Variants in DAB1 observed in about 807,000 individuals in gnomAD.
DAB1 encodes DAB adaptor protein 1, also known as disabled homolog 1.
Under a neutral mutation model 64.6 loss-of-function variants are expected in DAB1, and 15 were observed. That is an observed-to-expected ratio of 0.23 (90% confidence interval 0.16 to 0.36). The LOEUF is 0.36. Among genes scored for constraint, DAB1 ranks in the 10% least tolerant of loss-of-function variants. The probability of loss-of-function intolerance (pLI) is 1.00; values close to 1 mark genes in which losing one functional copy is unlikely to be tolerated. For synonymous variants in DAB1, 235 were observed against 251.9 expected, an observed-to-expected ratio of 0.93 and a Z score of 0.64; for missense variants, 596 against 706.7, an observed-to-expected ratio of 0.84 and a Z score of 1.78.
intron 4 of DAB1, among the ~76,000 whole-genome samples, chr1:58,221,947 GC>G (rs1659192556): frequency 6.6e-6 from 1 of 152,062 alleles, no homozygotes; most frequent in Non-Finnish European, 1.5e-5. Context: ...TTTTAAAATT[GC>G]CCAACTGGCA....
At chr1:57,998,725 T>C (rs189472893) in intron 5 of DAB1, among the ~76,000 whole-genome samples, 6 of 152,332 alleles carry the variant, frequency 3.9e-5, no homozygotes, top group African/African-American at 1.4e-4. Context: ...TACACATGTA[T>C]ATAATTTAGC....
intron 1 of DAB1, among the ~76,000 whole-genome samples, chr1:57,415,045 C>T (rs976178405): frequency 6.6e-6 from 1 of 152,034 alleles, no homozygotes; most frequent in Non-Finnish European, 1.5e-5. Context: ...CCAAGAAAAG[C>T]CAAGACACTC....
At chr1:58,187,129 C>A (rs566822417) in intron 4 of DAB1, among the ~76,000 whole-genome samples, 1 of 152,186 alleles carries the variant, frequency 6.6e-6, no homozygotes, top group South Asian at 2.1e-4. Flanking sequence ...GCGTCCCAAA[C>A]ATAGTCAGTG....
intron 1 of DAB1, among the ~76,000 whole-genome samples, chr1:57,293,407 C>T (rs948882779): frequency 6.6e-6 from 1 of 152,182 alleles, no homozygotes; most frequent in Admixed American, 6.6e-5. Flanking sequence ...TTGTCTTTGC[C>T]TCAGTTTCTT....
At chr1:57,022,707 G>T (rs1646659460) in intron 11 of DAB1, among the ~76,000 whole-genome samples, 1 of 152,194 alleles carries the variant, frequency 6.6e-6, no homozygotes, top group Admixed American at 6.5e-5. Context: ...AACTCTATTT[G>T]CCATTTATAA....
At chr1:57,569,122 A>G (rs7543219) in intron 7 of DAB1, among the ~76,000 whole-genome samples, 130,359 of 148,734 alleles carry the variant, frequency 0.88, 58,746 homozygotes, top group East Asian at 1. Flanking sequence ...GCCGGGCGAG[A>G]TGGCGGGCGC....
At chr1:58,439,490 G>C (rs1644984128) in intron 3 of DAB1, among the ~76,000 whole-genome samples, 1 of 152,206 alleles carries the variant, frequency 6.6e-6, no homozygotes, top group African/African-American at 2.4e-5. Context: ...TTTGAGAACA[G>C]AGATTGTCTT....
intron 3 of DAB1, among the ~76,000 whole-genome samples, chr1:58,361,377 C>T (rs1644165493): frequency 6.6e-6 from 1 of 152,228 alleles, no homozygotes; most frequent in African/African-American, 2.4e-5. Flanking sequence ...TAAGGACCGG[C>T]TTTCATTGTG....
intron 5 of DAB1, among the ~76,000 whole-genome samples, chr1:58,081,818 T>C (rs1158951670): frequency 1.3e-5 from 2 of 152,270 alleles, no homozygotes; most frequent in Admixed American, 6.5e-5. Flanking sequence ...CTCTTTTTTT[T>C]CCCCCACTTG....
At chr1:58,471,030 C>G (rs1645351794) in intron 3 of DAB1, among the ~76,000 whole-genome samples, 1 of 152,068 alleles carries the variant, frequency 6.6e-6, no homozygotes, top group Non-Finnish European at 1.5e-5. Context: ...TAAAATGGAA[C>G]CAATACTATT....
chr1:57,841,710 A>G lies in DAB1; in HGVS notation n.88-15255T>C, dbSNP rs192092140. 2.5e-3 allele frequency among the ~76,000 whole-genome samples: 379 copies of G among 152,332 alleles called. 1 individual carries two copies. The East Asian group carries it at 0.029, about 11-fold the overall frequency. On this transcript the variant is annotated intron_variant and non_coding_transcript_variant, in intron 1 of 1. Transcript: ENST00000477280. ...GCAGGGTGCCACATCTCGAGGCTGC[A>G]TGGAGCAGCGGAGCCCTGGGCCTGG...
chr1:57,026,109 A>C (rs557986312), intron 9 of DAB1, 66 bp from the exon 10 acceptor site: 3 of 1,192,102 alleles, frequency 2.5e-6, no homozygotes, highest in African/African-American at 3.0e-5. Context: ...CCTGCTTTAC[A>C]CACAGTATGG....
At chr1:58,307,083 C>T (rs1662325113) in intron 4 of DAB1, among the ~76,000 whole-genome samples, 1 of 152,208 alleles carries the variant, frequency 6.6e-6, no homozygotes, top group African/African-American at 2.4e-5. Flanking sequence ...GTTTTCTCTA[C>T]TCTACAAGGA....
chr1:57,274,525 G>T (rs573872372), intron 2 of DAB1, among the ~76,000 whole-genome samples: 10 of 152,288 alleles, frequency 6.6e-5, no homozygotes, highest in Non-Finnish European at 1.2e-4. Context: ...ATTGTTATTG[G>T]TTTTTTCATG....
intron 5 of DAB1, among the ~76,000 whole-genome samples, chr1:57,966,555 C>A (rs1221423425): frequency 6.6e-6 from 1 of 152,108 alleles, no homozygotes; most frequent in Non-Finnish European, 1.5e-5. Context: ...CCAGGGGAAA[C>A]CAGCAGAGGG....
At chr1:57,214,779 C>T (rs1438373482) in intron 2 of DAB1, among the ~76,000 whole-genome samples, 3 of 151,512 alleles carry the variant, frequency 2.0e-5, no homozygotes, top group Admixed American at 6.6e-5. Flanking sequence ...GACGTGGTGG[C>T]GGGCACCTGT....
In DAB1 at chr1:57,590,773, CA is replaced by C. The variant is rs1196745985; in HGVS notation, n.625+58818del. Among the ~76,000 whole-genome samples, 14 of 151,372 alleles carry C rather than the reference CA, an allele frequency of 9.2e-5. No individual in the cohort carries two copies. In the East Asian group the frequency reaches 2.5e-3, roughly 27 times the overall value. Reference sequence around the variant, plus strand: ...ACACACACACACACACACACACACACACACACACACCCCACTCACATATTCT... The same window carrying C: ...ACACACACACACACACACACACACACCACACACACCCCACTCACATATTCT... On this transcript the variant is annotated intron_variant and non_coding_transcript_variant, in intron 7 of 20. Transcript: ENST00000485760.
At chr1:58,264,055 T>C (rs1285079350) in intron 4 of DAB1, among the ~76,000 whole-genome samples, 2 of 152,224 alleles carry the variant, frequency 1.3e-5, no homozygotes, top group African/African-American at 4.8e-5. Context: ...AAACTCAAGC[T>C]CTACAGTCTG....
intron 5 of DAB1, among the ~76,000 whole-genome samples, chr1:58,106,331 C>T (rs1651639162): frequency 6.6e-6 from 1 of 151,920 alleles, no homozygotes; most frequent in Non-Finnish European, 1.5e-5. Flanking sequence ...GCACACACAC[C>T]ACCACACCCA....
Sources: gnomAD v4.1 joint callset for allele counts (sites outside exome capture counted in the v4.1 genomes callset) on GRCh38, gnomAD v4.1.1 for gene constraint, MANE v1.5 for transcripts, NCBI Gene and HGNC (gene_info 2026-07-23, HGNC 2026-07-21) for gene names.